The following SIPA1L1 variants were observed in gnomAD, a reference collection of about 807,000 sequenced individuals.
The protein encoded by SIPA1L1 is signal induced proliferation associated 1 like 1, also known as signal-induced proliferation-associated 1-like protein 1.
Under a neutral mutation model 162.7 loss-of-function variants are expected in SIPA1L1, and 26 were observed. That is an observed-to-expected ratio of 0.16 (90% confidence interval 0.12 to 0.22). The LOEUF is 0.22. Ranked by LOEUF, SIPA1L1 falls within the 10% of genes least tolerant of loss-of-function variation. The pLI is 1.00. For synonymous variants in SIPA1L1, 829 were observed against 837.4 expected, an observed-to-expected ratio of 0.99 and a Z score of 0.17; for missense variants, 1,874 against 2,241.0, an observed-to-expected ratio of 0.84 and a Z score of 3.31.
chr14:71,698,903 A>G, intron 13 of SIPA1L1, 78 bp from the exon 14 acceptor site: 18 of 1,458,124 alleles, frequency 1.2e-5, no homozygotes, highest in Non-Finnish European at 1.5e-5. Context: ...TCACATTTAT[A>G]TGATATTATC....
At chr14:71,694,307 A>G (rs1176506511) in intron 13 of SIPA1L1, among the ~76,000 whole-genome samples, 1 of 152,072 alleles carries the variant, frequency 6.6e-6, no homozygotes, top group Non-Finnish European at 1.5e-5. Flanking sequence ...AGAATGAAGG[A>G]CGTATCTTGG....
intron 2 of SIPA1L1, among the ~76,000 whole-genome samples, chr14:71,437,161 A>G (rs1369337107): frequency 6.6e-6 from 1 of 152,040 alleles, no homozygotes. Flanking sequence ...ATCCTCTAAG[A>G]ATTTGTTTTG....
At chr14:71,726,217 G>T (rs1200407236) in intron 19 of SIPA1L1, among the ~76,000 whole-genome samples, 1 of 152,212 alleles carries the variant, frequency 6.6e-6, no homozygotes, top group Non-Finnish European at 1.5e-5. Flanking sequence ...CTTGATTTCT[G>T]TAATTTCCGT....
At chr14:71,346,598 C>T (rs2036192469) in intron 2 of SIPA1L1, among the ~76,000 whole-genome samples, 1 of 152,110 alleles carries the variant, frequency 6.6e-6, no homozygotes, top group Non-Finnish European at 1.5e-5. Context: ...TGTATGATTG[C>T]AAGTCATGAT....
chr14:71,365,024 G>A (rs2038155885), intron 2 of SIPA1L1, among the ~76,000 whole-genome samples: 3 of 151,780 alleles, frequency 2.0e-5, no homozygotes, highest in Admixed American at 2.0e-4. Flanking sequence ...TGGGATTACA[G>A]GCATGAGCCA....
rs1051456994 is a variant in SIPA1L1, at chr14:71,573,598, G to A, written c.-302-13973G>A. On this transcript the variant is annotated intron_variant, in intron 4 of 23. Coordinates refer to ENST00000381232, the MANE Select transcript of SIPA1L1 (RefSeq NM_001386936.1). Reference sequence around the variant, plus strand: ...ACCTGCTGAAGGAGGAAAGATGCCCGAGAGCTGGGCAGAGGAAAATCCCTC... The same window carrying A: ...ACCTGCTGAAGGAGGAAAGATGCCCAAGAGCTGGGCAGAGGAAAATCCCTC... 36 of 456,642 alleles carry A rather than the reference G, an allele frequency of 7.9e-5. 1 individual carries two copies. The highest frequency in any genetic ancestry group is 6.8e-4 in the African/African-American group (34 of 50,082). 28.3% of individuals were successfully genotyped at this position (456,642 alleles called of 1,614,324 possible).
chr14:71,427,535 A>G (rs919313182), intron 2 of SIPA1L1, among the ~76,000 whole-genome samples: 1 of 152,028 alleles, frequency 6.6e-6, no homozygotes, highest in Non-Finnish European at 1.5e-5. Flanking sequence ...CTCCTTTTGG[A>G]ACTCTCACAA....
rs374831943 is a variant in SIPA1L1, at chr14:71,711,449, A to G, written c.4208+1785A>G. Among the ~76,000 whole-genome samples, 4 of 152,244 alleles carry G rather than the reference A, an allele frequency of 2.6e-5. No homozygotes were observed. The South Asian group carries it at 6.2e-4, about 24-fold the overall frequency. ...GGTTTTTAAGTTTAGTTTGACTCCT[A>G]TTTCTTTGGTTTTCAATTTGTCATT... On this transcript the variant is annotated intron_variant, in intron 17 of 23. Coordinates refer to ENST00000381232, the MANE Select transcript of SIPA1L1 (RefSeq NM_001386936.1).
intron 10 of SIPA1L1, among the ~76,000 whole-genome samples, chr14:71,665,096 A>G (rs2068207061): frequency 6.6e-6 from 1 of 152,206 alleles, no homozygotes; most frequent in Non-Finnish European, 1.5e-5. Context: ...ATTCCAGGAA[A>G]AATTATCCAG....
chr14:71,406,776 A>T (rs2140181016), intron 2 of SIPA1L1, among the ~76,000 whole-genome samples: 1 of 152,302 alleles, frequency 6.6e-6, no homozygotes, highest in South Asian at 2.1e-4. Context: ...TTTCAAGGAT[A>T]ATTGTTAGTT....
intron 5 of SIPA1L1, among the ~76,000 whole-genome samples, chr14:71,589,677 G>A (rs944761512): frequency 6.6e-6 from 1 of 151,928 alleles, no homozygotes; most frequent in Non-Finnish European, 1.5e-5. Flanking sequence ...TCACCTTTAG[G>A]GATAAATATA....
chr14:71,569,545 A>T (rs2031517823), intron 4 of SIPA1L1, among the ~76,000 whole-genome samples: 1 of 152,240 alleles, frequency 6.6e-6, no homozygotes, highest in Non-Finnish European at 1.5e-5. Flanking sequence ...TATCCTAGAA[A>T]TGAACTACAA....
intron 2 of SIPA1L1, among the ~76,000 whole-genome samples, chr14:71,424,587 T>C (rs1382675067): frequency 6.6e-6 from 1 of 152,124 alleles, no homozygotes. Flanking sequence ...GATCTTTGTA[T>C]GTTGAGCCAT....
At chr14:71,661,673 G>A (rs2043529193) in intron 10 of SIPA1L1, among the ~76,000 whole-genome samples, 3 of 152,160 alleles carry the variant, frequency 2.0e-5, no homozygotes, top group African/African-American at 7.2e-5. Flanking sequence ...TTAGACACCT[G>A]CCGTTTCCAT....
In SIPA1L1 at chr14:71,532,636, T is replaced by C. The variant is rs866772196; in HGVS notation, c.-303+3266T>C. 2.0e-5 allele frequency among the ~76,000 whole-genome samples: 3 copies of C among 152,348 alleles called. No individual in the cohort carries two copies. The South Asian group carries it at 6.2e-4, about 32-fold the overall frequency. On this transcript the variant is annotated intron_variant, in intron 4 of 23. Transcript: ENST00000381232. ...GAATCATCTAAATTGGCACAAATTA[T>C]CCAGAATGCTACTAAATGTTTTGTA... is the stretch of plus-strand genomic sequence containing the variant.
chr14:71,403,091 T>TTA (rs1311471525), intron 2 of SIPA1L1, among the ~76,000 whole-genome samples: 2 of 152,322 alleles, frequency 1.3e-5, no homozygotes, highest in African/African-American at 4.8e-5. Context: ...TTAATGCCAC[T>TTA]TATATGTTCA....
intron 2 of SIPA1L1, among the ~76,000 whole-genome samples, chr14:71,383,385 T>C (rs1005417318): frequency 1.2e-4 from 18 of 152,230 alleles, no homozygotes; most frequent in African/African-American, 4.3e-4. Flanking sequence ...CCCAGATGAA[T>C]AATTTAATAT....
chr14:71,321,396 C>T (rs1170531511), intron 2 of SIPA1L1: 1 of 152,310 alleles, frequency 6.6e-6, no homozygotes. Context: ...CGCACGCACC[C>T]CAGAACCCGA....
chr14:71,619,089 A>T (rs534472192), intron 6 of SIPA1L1, among the ~76,000 whole-genome samples: 37 of 152,126 alleles, frequency 2.4e-4, no homozygotes, highest in Admixed American at 8.5e-4. Flanking sequence ...CAGACTCTGA[A>T]TAGATGCAGT....
Sources: gnomAD v4.1 joint callset for allele counts (sites outside exome capture counted in the v4.1 genomes callset) on GRCh38, gnomAD v4.1.1 for gene constraint, MANE v1.5 for transcripts, NCBI Gene and HGNC (gene_info 2026-07-23, HGNC 2026-07-21) for gene names.